RALGPS2: variants seen among roughly 807,000 people sequenced by gnomAD.
RALGPS2 encodes Ral GEF with PH domain and SH3 binding motif 2, also known as ras-specific guanine nucleotide-releasing factor RalGPS2.
RALGPS2 carries 43 observed loss-of-function variants against 86.8 expected under a neutral mutation model. That is an observed-to-expected ratio of 0.50 (90% CI 0.39 to 0.64). The LOEUF (loss-of-function observed/expected upper bound fraction) is 0.64. Ranked by LOEUF, RALGPS2 falls within the 30% of genes least tolerant of loss-of-function variation. RALGPS2 has a pLI of 0.00. For missense variants in RALGPS2, 536 were observed against 694.6 expected (o/e 0.77, Z 2.57); for synonymous variants, 243 against 231.3 (o/e 1.05, Z -0.46).
rs1375056708 is a variant in RALGPS2, at chr1:178,918,903, C to G, written c.*2544C>G. 6.6e-6 allele frequency: 1 copy of G among 151,962 alleles called. No homozygotes were observed. Among genetic ancestry groups the G allele is most frequent in the Non-Finnish European group, 1.5e-5 (1 of 67,936 alleles). The allele number at this position is 151,962 out of a possible 1,614,324, so 9.4% of individuals were successfully genotyped here. A position where few individuals can be genotyped will look rare whatever the true frequency, so the allele number is the denominator to read the frequency against. ...GATGAATCTTCTTATTAAGCCTGCC[C>G]TCAATTGTAAATAAGTGACTCAAAA... is the stretch of plus-strand genomic sequence containing the variant. On this transcript the variant is annotated 3_prime_UTR_variant, in exon 20 of 20. Transcript: ENST00000367635.
intron 8 of RALGPS2, among the ~76,000 whole-genome samples, chr1:178,866,695 C>T (rs1341828190): frequency 6.6e-6 from 1 of 152,118 alleles, no homozygotes; most frequent in Non-Finnish European, 1.5e-5. Context: ...CCTCTTTGTA[C>T]TCTGTGCATG....
intron 1 of RALGPS2, among the ~76,000 whole-genome samples, chr1:178,752,686 T>C (rs1264070184): frequency 1.3e-5 from 2 of 152,212 alleles, no homozygotes; most frequent in Non-Finnish European, 2.9e-5. Context: ...TTAGAATCAT[T>C]AAAGGTCTGA....
intron 8 of RALGPS2, among the ~76,000 whole-genome samples, chr1:178,836,682 T>C (rs548937535): frequency 6.6e-6 from 1 of 152,246 alleles, no homozygotes; most frequent in African/African-American, 2.4e-5. Flanking sequence ...TTGGTTTCCC[T>C]TCTACATTTC....
At chr1:178,818,372 A>T (rs1431807406) in intron 6 of RALGPS2, among the ~76,000 whole-genome samples, 5 of 152,194 alleles carry the variant, frequency 3.3e-5, no homozygotes, top group Admixed American at 3.3e-4. Flanking sequence ...AAAAGAAAAA[A>T]GAGAGAGAAG....
At chr1:178,808,262 G>T (rs1654829315) in intron 5 of RALGPS2, 134 bp downstream of exon 5, 1 of 657,026 alleles carries the variant, frequency 1.5e-6, no homozygotes, top group Non-Finnish European at 2.7e-6. Flanking sequence ...TTGTCTCTGT[G>T]CATGATCTCT....
At chr1:178,821,534 G>C in intron 6 of RALGPS2, 78 bp from the exon 7 acceptor site, 1 of 1,083,186 alleles carries the variant, frequency 9.2e-7, no homozygotes, top group Non-Finnish European at 1.4e-6. Flanking sequence ...TGCCAAGATT[G>C]TACTTGTTAG....
At chr1:178,875,833 T>C (rs1658979925) in intron 8 of RALGPS2, among the ~76,000 whole-genome samples, 1 of 151,914 alleles carries the variant, frequency 6.6e-6, no homozygotes. Flanking sequence ...GCAACAGTGG[T>C]TGTCTGGAAG....
intron 1 of RALGPS2, among the ~76,000 whole-genome samples, chr1:178,748,299 A>C (rs1481703539): frequency 6.6e-6 from 1 of 151,596 alleles, no homozygotes; most frequent in Admixed American, 6.6e-5. Context: ...CAGCCTGGGC[A>C]ACAGAGTGAG....
At chr1:178,837,615 A>T (rs535132390) in intron 8 of RALGPS2, among the ~76,000 whole-genome samples, 1 of 152,326 alleles carries the variant, frequency 6.6e-6, no homozygotes, top group African/African-American at 2.4e-5. Flanking sequence ...AGCAACACAG[A>T]AGACAGGTGA....
intron 6 of RALGPS2, among the ~76,000 whole-genome samples, chr1:178,818,936 A>G (rs894795782): frequency 6.6e-6 from 1 of 150,706 alleles, no homozygotes; most frequent in Admixed American, 6.6e-5. Context: ...ATGTTGTTCT[A>G]CATCTTAGGC....
At chr1:178,783,746 T>A (rs1442582003) in intron 2 of RALGPS2, among the ~76,000 whole-genome samples, 1 of 152,176 alleles carries the variant, frequency 6.6e-6, no homozygotes, top group Non-Finnish European at 1.5e-5. Context: ...AGCCAGCTGA[T>A]ACAGAATATA....
intron 1 of RALGPS2, among the ~76,000 whole-genome samples, chr1:178,744,587 G>T (rs1651204862): frequency 6.6e-6 from 1 of 152,086 alleles, no homozygotes; most frequent in African/African-American, 2.4e-5. Context: ...GAGAGCAGGG[G>T]TGGATCACTT....
At chr1:178,733,334 T>TA (rs1236066098) in intron 1 of RALGPS2, among the ~76,000 whole-genome samples, 1 of 152,218 alleles carries the variant, frequency 6.6e-6, no homozygotes, top group African/African-American at 2.4e-5. Flanking sequence ...TCAGAGGACT[T>TA]ATATATAGAG....
At chr1:178,862,886 G>A (rs116344794) in intron 8 of RALGPS2, among the ~76,000 whole-genome samples, 278 of 152,256 alleles carry the variant, frequency 1.8e-3, no homozygotes, top group African/African-American at 6.3e-3. Flanking sequence ...GAATCTGCTG[G>A]CAATGTAAAT....
chr1:178,877,539 C>G lies in RALGPS2; in HGVS notation c.649C>G (p.Pro217Ala). 3 of 1,613,418 alleles carry G rather than the reference C, an allele frequency of 1.9e-6. No individual in the cohort carries two copies. The highest frequency in any genetic ancestry group is 4.5e-5 in the East Asian group (2 of 44,814). The change falls in exon 9 of 20, where the codon CCA becomes GCA. Residue 217 changes from proline to alanine, a missense_variant. Around this residue, in one of 3 missense-constraint regions of RALGPS2, gnomAD observed 184 missense variants for 296.7 expected, o/e 0.62. Transcript: ENST00000367635. ...SDLTYIDSAY[P>A]STGSILENEQ... ...TTTAACATACATCGATTCAGCATAC[C>G]CATCAACTGGCAGCATTCTAGAAAA...
chr1:178,889,596 AGAGGTAATTCT>A, intron 13 of RALGPS2, 35 bp from the exon 14 acceptor site: 2 of 1,239,468 alleles, frequency 1.6e-6, no homozygotes, highest in East Asian at 4.7e-5. Context: ...TGCAAACTAG[AGAGGTAATTCT>A]GATGTTTAAA....
intron 4 of RALGPS2, among the ~76,000 whole-genome samples, chr1:178,796,543 C>G (rs1313323005): frequency 6.6e-6 from 1 of 152,106 alleles, no homozygotes; most frequent in African/African-American, 2.4e-5. Context: ...TTTACAGATT[C>G]CATCGCTTTT....
chr1:178,830,099 C>T (rs1655943899), intron 7 of RALGPS2, among the ~76,000 whole-genome samples: 1 of 152,070 alleles, frequency 6.6e-6, no homozygotes, highest in Non-Finnish European at 1.5e-5. Flanking sequence ...AAGTAACTAA[C>T]TTTGTGAGAT....
chr1:178,916,356 G>A lies in RALGPS2; in HGVS notation c.1749G>A (p.Glu583=), dbSNP rs1470182865. Residue 583 remains glutamate, a synonymous_variant, in exon 20 of 20, where the codon GAG becomes GAA. Transcript: ENST00000367635. ...TTCCTACAAACTTGATGACTTTTGA[G>A]TAGAAGCCTGAGAAAAAAAGAGAGG... The part of the protein sequence containing the change: ...QQVPTNLMTF[E] The A allele has an allele frequency of 1.2e-6, 2 of 1,601,580 alleles. No homozygotes were observed. The highest frequency in any genetic ancestry group is 1.3e-5 in the African/African-American group (1 of 74,570).
Sources: allele counts gnomAD v4.1 joint callset (sites outside exome capture counted in the v4.1 genomes callset), GRCh38; gene constraint gnomAD v4.1.1; regional missense constraint gnomAD v4.1.1; transcripts MANE v1.5; gene names NCBI Gene and HGNC (gene_info 2026-07-23, HGNC 2026-07-21).